Variants in CARS1 observed in about 807,000 individuals in gnomAD.
CARS1 encodes cysteine--tRNA ligase, cytoplasmic.
A neutral mutation model predicts 106.2 loss-of-function variants in CARS1; 48 were observed. The ratio of observed to expected loss-of-function variants is 0.45; its 90% CI spans 0.36 to 0.57. The LOEUF (loss-of-function observed/expected upper bound fraction) is 0.57, where lower values mean the gene tolerates loss of function less well. Ranked by LOEUF, CARS1 falls within the 20% of genes least tolerant of loss-of-function variation. CARS1 has a pLI of 0.00. For missense variants in CARS1, 968 were observed against 1,057.2 expected (o/e 0.92, Z 1.17); for synonymous variants, 409 against 403.4 (o/e 1.01, Z -0.17).
chr11:3,030,381 G>A lies in CARS1; in HGVS notation c.802-938C>T, dbSNP rs748517248. The A allele has an allele frequency of 6.6e-6, 1 of 152,238 alleles. No homozygotes were observed. Among genetic ancestry groups the A allele is most frequent in the Non-Finnish European group, 1.5e-5 (1 of 68,054 alleles). 9.4% of individuals were successfully genotyped at this position (152,238 alleles called of 1,614,324 possible). A position where few individuals can be genotyped will look rare whatever the true frequency, so the allele number is the denominator to read the frequency against. ...TGTTAAATGTATTGCAGGCCTGCAAGTGGCAAGGCACGTCTGCAGGAATGA... is the reference window on the plus strand; with the variant it reads ...TGTTAAATGTATTGCAGGCCTGCAAATGGCAAGGCACGTCTGCAGGAATGA... On this transcript the variant is annotated intron_variant, in intron 7 of 22. Coordinates refer to ENST00000380525, the MANE Select transcript of CARS1 (RefSeq NM_001014437.3). This position sits in a 1 kb window ranked among gnomAD's most constrained non-coding sequence, Gnocchi z 5.7.
intron 18 of CARS1, chr11:3,007,240 A>C (rs1191137249): frequency 2.0e-6 from 1 of 491,876 alleles, no homozygotes; most frequent in African/African-American, 1.9e-5. Context: ...GAGGAAGCAT[A>C]GCACACTGGC....
In CARS1 at chr11:3,039,846, T is replaced by C; in HGVS notation, c.541A>G (p.Ile181Val). Residue 181 changes from isoleucine (I) to valine (V), a missense_variant, in exon 5 of 23, where the codon ATT becomes GTT. Coordinates refer to ENST00000380525, the MANE Select transcript of CARS1 (RefSeq NM_001014437.3). This position sits in a 1 kb window ranked among gnomAD's most constrained non-coding sequence, Gnocchi z 5.6. ...CAAATTCCCTTTACCTTGTCATCAA[T>C]ATCCGTAATGTTCATGCAATAAAAG... ...DVFYCMNITD[I>V]DDKIIKRARQ... 1 of 1,522,540 alleles carries C rather than the reference T, an allele frequency of 6.6e-7. No homozygotes were observed. Among genetic ancestry groups the C allele is most frequent in the South Asian group, 1.2e-5 (1 of 84,322 alleles). 94.3% of individuals were successfully genotyped at this position (1,522,540 alleles called of 1,614,324 possible). A position where few individuals can be genotyped will look rare whatever the true frequency, so the allele number is the denominator to read the frequency against.
At chr11:3,018,899 G>C in intron 12 of CARS1, 150 bp from the exon 13 acceptor site, 3 of 1,182,680 alleles carry the variant, frequency 2.5e-6, no homozygotes, top group Non-Finnish European at 3.5e-6. Flanking sequence ...GGACAGCCCA[G>C]GTTAATAAGC....
rs955423658 is a variant in CARS1, at chr11:3,041,932, G to C, written c.366+233C>G. On this transcript the variant is annotated intron_variant, in intron 3 of 22. Coordinates refer to ENST00000380525, the MANE Select transcript of CARS1 (RefSeq NM_001014437.3). The surrounding 1 kb of genome is among the most constrained non-coding windows in gnomAD (Gnocchi z 4.9). ...ATCCATGCCCAGAAGTCATGGGCAG[G>C]CTTCCACATGAGGCATGATACTTCA... 6.6e-6 allele frequency among the ~76,000 whole-genome samples: 1 copy of C among 152,218 alleles called. No individual in the cohort carries two copies. The highest frequency in any genetic ancestry group is 1.9e-4 in the East Asian group (1 of 5,198).
rs200925543 is a variant in CARS1 at position 3,001,092 on chromosome 11, A to C, written c.*22T>G. On this transcript the variant is annotated 3_prime_UTR_variant, in exon 23 of 23. Coordinates refer to ENST00000380525, the MANE Select transcript of CARS1 (RefSeq NM_001014437.3). ...AGCAGCCACTAGTCCACAATGGTTTAAAAAGTCAGTCCTGTGCCCCCTCAC... is the reference window on the plus strand; with the variant it reads ...AGCAGCCACTAGTCCACAATGGTTTCAAAAGTCAGTCCTGTGCCCCCTCAC... 1 of 1,613,246 alleles carries C rather than the reference A, an allele frequency of 6.2e-7. No individual in the cohort carries two copies. Among genetic ancestry groups the C allele is most frequent in the East Asian group, 2.2e-5 (1 of 44,860 alleles).
rs547870830 is a variant in CARS1, at chr11:3,018,995, G to C, written c.1395+144C>G. 1.3e-5 allele frequency: 14 copies of C among 1,081,670 alleles called. No individual in the cohort carries two copies. In the Admixed American group the frequency reaches 2.6e-4, roughly 20 times the overall value. The allele number at this position is 1,081,670 out of a possible 1,614,324, so 67.0% of individuals were successfully genotyped here. ...ATGCGGAAACCACACTAAATGATCA[G>C]GGTTCAGATTCCACCCACAAGCCCC... is the stretch of plus-strand genomic sequence containing the variant. On this transcript the variant is annotated intron_variant, in intron 12 of 22. Transcript: ENST00000380525.
In CARS1 at chr11:3,015,601, G is replaced by A. The variant is rs115645470; in HGVS notation, c.1986+180C>T. Among the ~76,000 whole-genome samples the A allele has an allele frequency of 6.1e-3, 935 of 152,282 alleles. 11 individuals carry two copies. Among genetic ancestry groups the A allele is most frequent in the African/African-American group, 0.02 (845 of 41,560 alleles). ...ACAACCAAAGCAGACCCTCCACACC[G>A]GCAGGGCAGCTGACCACACTTAGCA... On this transcript the variant is annotated intron_variant, in intron 17 of 22. Coordinates refer to ENST00000380525, the MANE Select transcript of CARS1 (RefSeq NM_001014437.3).
intron 7 of CARS1, among the ~76,000 whole-genome samples, chr11:3,035,446 C>T (rs905568429): frequency 1.6e-4 from 24 of 152,248 alleles, no homozygotes; most frequent in African/African-American, 4.8e-4. Flanking sequence ...ACACAGCACA[C>T]CCAAAATGTG....
At chr11:3,024,606 C>G (rs997776630) in intron 10 of CARS1, among the ~76,000 whole-genome samples, 1 of 152,130 alleles carries the variant, frequency 6.6e-6, no homozygotes, top group African/African-American at 2.4e-5. Flanking sequence ...TGCCACCACA[C>G]CCAGCTCATT....
In CARS1 at chr11:3,019,016, G is replaced by T; in HGVS notation, c.1395+123C>A. 8.3e-7 allele frequency: 1 copy of T among 1,204,842 alleles called. No individual in the cohort carries two copies. Among genetic ancestry groups the T allele is most frequent in the Non-Finnish European group, 1.2e-6 (1 of 865,176 alleles). 74.6% of individuals were successfully genotyped at this position (1,204,842 alleles called of 1,614,324 possible). The stretch of plus-strand genomic sequence containing the variant: ...ATCAGGGTTCAGATTCCACCCACAA[G>T]CCCCGATGAAGGTGTCAAGTTCTAG... On this transcript the variant is annotated intron_variant, in intron 12 of 22. Coordinates refer to ENST00000380525, the MANE Select transcript of CARS1 (RefSeq NM_001014437.3). The surrounding 1 kb of genome is among the most constrained non-coding windows in gnomAD (Gnocchi z 6.2).
chr11:3,055,152 C>T (rs1220600410), intron 1 of CARS1: 2 of 587,882 alleles, frequency 3.4e-6, no homozygotes, highest in Admixed American at 3.1e-5. Context: ...TCACTGAAAG[C>T]ATTTACGATT....
intron 7 of CARS1, among the ~76,000 whole-genome samples, chr11:3,033,138 G>GT (rs1330343025): frequency 6.6e-6 from 1 of 151,328 alleles, no homozygotes; most frequent in Admixed American, 6.6e-5. Flanking sequence ...TCTTGTTTTT[G>GT]TTTTTTTAAG....
At position 3,017,242 on chromosome 11, in the gene CARS1, G is replaced by A; in HGVS notation, c.1781C>T (p.Thr594Ile). 1 of 1,614,152 alleles carries A rather than the reference G, an allele frequency of 6.2e-7. No homozygotes were observed. The highest frequency in any genetic ancestry group is 1.1e-5 in the South Asian group (1 of 91,080). The change falls in exon 16 of 23, where the codon ACC becomes ATC. Residue 594 changes from threonine (T) to isoleucine (I), a missense_variant. Thr to Ile is a moderately conservative substitution (Grantham distance 89). Transcript: ENST00000380525. The surrounding 1 kb of genome is among the most constrained non-coding windows in gnomAD (Gnocchi z 4.9). ...IHKALCDNVD[T>I]RTVMEEMRAL... is the part of the protein sequence containing the mutation. Reference sequence around the variant, plus strand: ...CCGCATCTCTTCCATGACGGTGCGGGTGTCAACATTGTCACAGAGGGCTTT... The same window carrying A: ...CCGCATCTCTTCCATGACGGTGCGGATGTCAACATTGTCACAGAGGGCTTT...
At position 3,041,587 on chromosome 11, in the gene CARS1, CCTGACTCT is replaced by C. The variant is rs1854458766; in HGVS notation, c.366+570_366+577del. Among the ~76,000 whole-genome samples, 1 of 152,146 alleles carries C rather than the reference CCTGACTCT, an allele frequency of 6.6e-6. No homozygotes were observed. The highest frequency in any genetic ancestry group is 1.5e-5 in the Non-Finnish European group (1 of 68,040). On this transcript the variant is annotated intron_variant, in intron 3 of 22. Transcript: ENST00000380525. This position sits in a 1 kb window ranked among gnomAD's most constrained non-coding sequence, Gnocchi z 4.9. Reference sequence around the variant, plus strand: ...AAGGAAGGCCATGAACTCCCTCACACCTGACTCTCTGTCTGCCAAACATGCTCCCTGAT... The same window carrying C: ...AAGGAAGGCCATGAACTCCCTCACACCTGTCTGCCAAACATGCTCCCTGAT...
intron 9 of CARS1, chr11:3,027,093 T>C (rs1053858514): frequency 2.8e-5 from 8 of 287,144 alleles, no homozygotes; most frequent in African/African-American, 1.8e-4. Flanking sequence ...CTCATTCTTG[T>C]GTGGCCTCAC....
rs372644346 is a variant in CARS1, at chr11:3,039,151, A to G, written c.651+43T>C. 98 of 1,279,294 alleles carry G rather than the reference A, an allele frequency of 7.7e-5. No individual in the cohort carries two copies. Among genetic ancestry groups the G allele is most frequent in the Admixed American group, 2.1e-4 (12 of 58,308 alleles). 79.2% of individuals were successfully genotyped at this position (1,279,294 alleles called of 1,614,324 possible). On this transcript the variant is annotated intron_variant, in intron 6 of 22. Coordinates refer to ENST00000380525, the MANE Select transcript of CARS1 (RefSeq NM_001014437.3). The surrounding 1 kb of genome is among the most constrained non-coding windows in gnomAD (Gnocchi z 5.6). ...TAGCCTACAAAGGACCGAGAACAGA[A>G]AGCAAAGGGCTCGGTTTCTAGAGCA...
In CARS1 at chr11:3,034,944, T is replaced by C. The variant is rs773894194; in HGVS notation, c.801+3106A>G. On this transcript the variant is annotated intron_variant, in intron 7 of 22. Coordinates refer to ENST00000380525, the MANE Select transcript of CARS1 (RefSeq NM_001014437.3). The surrounding 1 kb of genome is among the most constrained non-coding windows in gnomAD (Gnocchi z 6.3). The stretch of plus-strand genomic sequence containing the variant: ...GGGCCTTCTTGCTGGTGGGGACTTT[T>C]CCCAGAGTCCCAAGGTGGCGCAGAG... Among the ~76,000 whole-genome samples the C allele has an allele frequency of 6.6e-6, 1 of 152,144 alleles. No individual in the cohort carries two copies. Among genetic ancestry groups the C allele is most frequent in the Non-Finnish European group, 1.5e-5 (1 of 68,022 alleles).
chr11:3,035,620 G>C (rs1853514534), intron 7 of CARS1, among the ~76,000 whole-genome samples: 1 of 152,112 alleles, frequency 6.6e-6, no homozygotes, highest in Non-Finnish European at 1.5e-5. Flanking sequence ...CCAGTAGCTG[G>C]AACCACAGGC....
At chr11:3,036,204 TC>T (rs550977696) in intron 7 of CARS1, among the ~76,000 whole-genome samples, 63 of 152,348 alleles carry the variant, frequency 4.1e-4, no homozygotes, top group Admixed American at 1.2e-3. Flanking sequence ...CGCCTGAGCT[TC>T]TGCTCCTCGC....
Sources: allele counts gnomAD v4.1 joint callset (sites outside exome capture counted in the v4.1 genomes callset), GRCh38; gene constraint gnomAD v4.1.1; non-coding constraint Gnocchi (gnomAD v3.1); transcripts MANE v1.5; gene names NCBI Gene and HGNC (gene_info 2026-07-23, HGNC 2026-07-21).